AP3B1: variants seen among roughly 807,000 people sequenced by gnomAD.
AP3B1 encodes AP-3 complex subunit beta-1.
In AP3B1, 61 loss-of-function variants were observed where a neutral mutation model predicts 132.5. The observed-to-expected ratio is 0.46, with a 90% CI of 0.37 to 0.57. The LOEUF (loss-of-function observed/expected upper bound fraction) is 0.57, where lower values mean the gene tolerates loss of function less well. Ranked by LOEUF, AP3B1 falls within the 20% of genes least tolerant of loss-of-function variation. The pLI is 0.00. For missense variants in AP3B1, 1,120 were observed against 1,289.4 expected (o/e 0.87, Z 2.01); for synonymous variants, 388 against 438.3 (o/e 0.89, Z 1.43).
intron 6 of AP3B1, chr5:78,222,363 G>C (rs992468244): frequency 6.5e-6 from 1 of 153,464 alleles, no homozygotes; most frequent in African/African-American, 2.4e-5. Context: ...GCTGCCCTGC[G>C]ATCCCAAGGC....
At chr5:78,090,736 G>A (rs1750473610) in intron 21 of AP3B1, among the ~76,000 whole-genome samples, 1 of 152,186 alleles carries the variant, frequency 6.6e-6, no homozygotes, top group Admixed American at 6.5e-5. Context: ...ATGTGGTCAA[G>A]TTTTAGCTTC....
At chr5:78,273,231 T>A (rs1051641483) in intron 1 of AP3B1, among the ~76,000 whole-genome samples, 2 of 151,876 alleles carry the variant, frequency 1.3e-5, no homozygotes, top group Non-Finnish European at 2.9e-5. Flanking sequence ...ATGGTGAGAC[T>A]CCATCTTTAC....
chr5:78,163,872 T>C (rs1216202325), intron 12 of AP3B1, among the ~76,000 whole-genome samples: 1 of 151,798 alleles, frequency 6.6e-6, no homozygotes, highest in Non-Finnish European at 1.5e-5. Flanking sequence ...TGAAAGGTCA[T>C]TTACAATCGA....
chr5:78,132,178 T>C (rs1396221450), intron 15 of AP3B1, among the ~76,000 whole-genome samples: 2 of 152,232 alleles, frequency 1.3e-5, no homozygotes, highest in African/African-American at 2.4e-5. Flanking sequence ...ACTGGCTGAA[T>C]AAGCAGTTTG....
At chr5:78,178,436 C>A (rs1257923905) in intron 8 of AP3B1, among the ~76,000 whole-genome samples, 1 of 152,144 alleles carries the variant, frequency 6.6e-6, no homozygotes, top group Non-Finnish European at 1.5e-5. Context: ...TCCTGGCCAA[C>A]ATGGTAAAAC....
At chr5:78,052,065 A>G (rs1257492964) in intron 22 of AP3B1, among the ~76,000 whole-genome samples, 1 of 152,144 alleles carries the variant, frequency 6.6e-6, no homozygotes, top group African/African-American at 2.4e-5. Flanking sequence ...ATATAAGCAC[A>G]GACTCGAAGA....
intron 8 of AP3B1, among the ~76,000 whole-genome samples, chr5:78,180,651 G>C (rs1295472499): frequency 4.0e-5 from 6 of 151,852 alleles, no homozygotes; most frequent in African/African-American, 1.2e-4. Flanking sequence ...AAAAAGTAGA[G>C]AGGACTGACT....
At chr5:78,224,334 T>A (rs1370718287) in intron 6 of AP3B1, among the ~76,000 whole-genome samples, 1 of 151,924 alleles carries the variant, frequency 6.6e-6, no homozygotes, top group African/African-American at 2.4e-5. Context: ...ATAATCTCCA[T>A]GTATAAGACA....
At chr5:78,250,684 T>C (rs1747592379) in intron 2 of AP3B1, among the ~76,000 whole-genome samples, 1 of 152,084 alleles carries the variant, frequency 6.6e-6, no homozygotes, top group Non-Finnish European at 1.5e-5. Flanking sequence ...ATGAATAAAT[T>C]ATATGGGGAA....
chr5:78,073,339 A>G (rs866792500), intron 22 of AP3B1, among the ~76,000 whole-genome samples: 13 of 152,238 alleles, frequency 8.5e-5, no homozygotes, highest in South Asian at 2.1e-4. Flanking sequence ...TAAGGGGAAC[A>G]GTGGTAACAG....
At chr5:78,207,693 G>A (rs1745567024) in intron 7 of AP3B1, among the ~76,000 whole-genome samples, 1 of 151,832 alleles carries the variant, frequency 6.6e-6, no homozygotes, top group African/African-American at 2.4e-5. Flanking sequence ...TTTTTAAACA[G>A]GTTTTTTTAG....
chr5:78,053,406 G>C (rs1022745600), intron 22 of AP3B1, among the ~76,000 whole-genome samples: 42 of 152,030 alleles, frequency 2.8e-4, no homozygotes, highest in African/African-American at 9.9e-4. Context: ...TCCCAGTCGG[G>C]TGCAGCGGCT....
chr5:78,019,233 C>CCT lies in AP3B1; in HGVS notation c.2992+1457_2992+1458dup, dbSNP rs140372125. 3.3e-5 allele frequency among the ~76,000 whole-genome samples: 5 copies of CCT among 152,198 alleles called. No homozygotes were observed. In the East Asian group the frequency reaches 9.6e-4, roughly 29 times the overall value. On this transcript the variant is annotated intron_variant, in intron 25 of 26. Transcript: ENST00000255194. ...GGACCACAGCTATTCTCCAAGTGCA[C>CCT]CTCTCTCATGCACTTAAGGTTCTGT...
intron 7 of AP3B1, among the ~76,000 whole-genome samples, chr5:78,202,618 T>C (rs1047099295): frequency 2.0e-5 from 3 of 151,202 alleles, no homozygotes; most frequent in Admixed American, 6.6e-5. Context: ...TGGTAATACC[T>C]CAAATCCTTT....
chr5:78,125,811 G>A (rs1752430901), intron 17 of AP3B1, among the ~76,000 whole-genome samples: 1 of 152,112 alleles, frequency 6.6e-6, no homozygotes, highest in African/African-American at 2.4e-5. Context: ...TTGGACAGGT[G>A]AAACGAACAT....
intron 14 of AP3B1, among the ~76,000 whole-genome samples, chr5:78,148,183 T>C (rs1294988200): frequency 6.6e-6 from 1 of 152,168 alleles, no homozygotes; most frequent in Admixed American, 6.5e-5. Flanking sequence ...CCTCATACAC[T>C]GTTACAGGTT....
At chr5:78,007,526 T>C (rs1746446731) in intron 26 of AP3B1, among the ~76,000 whole-genome samples, 1 of 152,180 alleles carries the variant, frequency 6.6e-6, no homozygotes, top group Non-Finnish European at 1.5e-5. Flanking sequence ...GATCACAAGA[T>C]GCAGTGCCCT....
chr5:78,146,867 T>C (rs1753422795), intron 14 of AP3B1, among the ~76,000 whole-genome samples: 1 of 152,136 alleles, frequency 6.6e-6, no homozygotes, highest in Non-Finnish European at 1.5e-5. Context: ...CCTTTTAAAT[T>C]ATTTAAGTCT....
At chr5:78,139,966 G>A (rs1753076498) in intron 15 of AP3B1, among the ~76,000 whole-genome samples, 1 of 151,996 alleles carries the variant, frequency 6.6e-6, no homozygotes, top group Admixed American at 6.6e-5. Flanking sequence ...AAATCACAAA[G>A]GCAAAAGTAA....
Sources: allele counts gnomAD v4.1 joint callset (sites outside exome capture counted in the v4.1 genomes callset), GRCh38; gene constraint gnomAD v4.1.1; transcripts MANE v1.5; gene names NCBI Gene and HGNC (gene_info 2026-07-23, HGNC 2026-07-21).